The following CDH13 variants were observed in gnomAD, a reference collection of about 807,000 sequenced individuals.
CDH13 encodes the protein cadherin-13.
In CDH13, 24 loss-of-function variants were observed where a neutral mutation model predicts 63.8. That is an observed-to-expected ratio of 0.38 (90% CI 0.27 to 0.53). The LOEUF (loss-of-function observed/expected upper bound fraction) is 0.53, where lower values mean the gene tolerates loss of function less well. CDH13 is among the 20% of genes least tolerant of loss of function. The pLI is 0.85. For missense variants in CDH13, 1,049 were observed against 903.1 expected (o/e 1.16, Z -2.07); for synonymous variants, 503 against 355.3 (o/e 1.42, Z -4.67).
intron 1 of CDH13, among the ~76,000 whole-genome samples, chr16:82,752,132 C>A (rs781550430): frequency 1.3e-5 from 2 of 152,210 alleles, no homozygotes; most frequent in Non-Finnish European, 2.9e-5. Context: ...CATAAGCTAA[C>A]AAGGCAGGCC....
At chr16:83,349,886 C>G (rs533316525) in intron 6 of CDH13, among the ~76,000 whole-genome samples, 2 of 152,228 alleles carry the variant, frequency 1.3e-5, no homozygotes, top group South Asian at 4.1e-4. Flanking sequence ...AGGTGTGAGT[C>G]ACTGCACCTG....
intron 12 of CDH13, among the ~76,000 whole-genome samples, chr16:83,780,603 C>T (rs996993237): frequency 2.0e-5 from 3 of 152,186 alleles, no homozygotes; most frequent in Non-Finnish European, 4.4e-5. Flanking sequence ...TTACTATCCC[C>T]ATCACCCAAT....
At chr16:83,215,737 G>C (rs577040090) in intron 4 of CDH13, among the ~76,000 whole-genome samples, 2 of 152,146 alleles carry the variant, frequency 1.3e-5, no homozygotes, top group African/African-American at 2.4e-5. Flanking sequence ...GCGCTGTTGA[G>C]TATGTGTCAA....
At chr16:83,231,175 C>G (rs1352986785) in intron 5 of CDH13, among the ~76,000 whole-genome samples, 1 of 152,184 alleles carries the variant, frequency 6.6e-6, no homozygotes, top group East Asian at 1.9e-4. Flanking sequence ...ATCCCTTTCT[C>G]CATCCTCCAC....
At chr16:83,009,014 C>G (rs1913842191) in intron 2 of CDH13, among the ~76,000 whole-genome samples, 1 of 152,176 alleles carries the variant, frequency 6.6e-6, no homozygotes, top group Non-Finnish European at 1.5e-5. Context: ...CTCGTGAGAA[C>G]TCACTATCAT....
chr16:83,193,500 G>T (rs562636402), intron 4 of CDH13, among the ~76,000 whole-genome samples: 1 of 152,258 alleles, frequency 6.6e-6, no homozygotes, highest in South Asian at 2.1e-4. Context: ...GCAGAACCTA[G>T]GTTCTCTATA....
chr16:83,314,377 C>G (rs1347739704), intron 5 of CDH13, among the ~76,000 whole-genome samples: 3 of 151,966 alleles, frequency 2.0e-5, no homozygotes. Flanking sequence ...GTATTTAAAA[C>G]AAGACTAATC....
intron 2 of CDH13, among the ~76,000 whole-genome samples, chr16:82,892,151 T>C (rs1260620050): frequency 6.6e-6 from 1 of 152,180 alleles, no homozygotes; most frequent in Non-Finnish European, 1.5e-5. Context: ...GGTGTTCAGT[T>C]TCCTCATATG....
At chr16:83,083,586 T>C (rs1380883117) in intron 3 of CDH13, among the ~76,000 whole-genome samples, 1 of 152,230 alleles carries the variant, frequency 6.6e-6, no homozygotes, top group Non-Finnish European at 1.5e-5. Context: ...TGTTGTTTTC[T>C]CTAGTACTCT....
chr16:83,567,931 C>G (rs1904299755), intron 7 of CDH13, among the ~76,000 whole-genome samples: 1 of 152,178 alleles, frequency 6.6e-6, no homozygotes. Flanking sequence ...TCTGTTGCCT[C>G]TAACTGCAAC....
chr16:83,116,426 T>A (rs2035297851), intron 3 of CDH13, among the ~76,000 whole-genome samples: 1 of 152,124 alleles, frequency 6.6e-6, no homozygotes, highest in South Asian at 2.1e-4. Flanking sequence ...CTGAGCATGG[T>A]CCCACCTGGA....
intron 1 of CDH13, among the ~76,000 whole-genome samples, chr16:82,653,183 CATG>C (rs1279630721): frequency 4.6e-5 from 7 of 152,020 alleles, no homozygotes; most frequent in Non-Finnish European, 8.8e-5. Context: ...GTGAAGAAGA[CATG>C]GTGGTGGTAG....
intron 1 of CDH13, among the ~76,000 whole-genome samples, chr16:82,741,726 C>A (rs1020489939): frequency 3.9e-5 from 6 of 152,062 alleles, no homozygotes; most frequent in Non-Finnish European, 7.4e-5. Context: ...ATTAAAGACA[C>A]TATAAACAAA....
intron 5 of CDH13, among the ~76,000 whole-genome samples, chr16:83,297,080 G>A (rs923875189): frequency 2.0e-5 from 3 of 152,248 alleles, no homozygotes; most frequent in South Asian, 2.1e-4. Flanking sequence ...TAATAAGCAT[G>A]GGGGGAGAAG....
intron 10 of CDH13, among the ~76,000 whole-genome samples, chr16:83,685,846 G>A (rs979972935): frequency 6.6e-6 from 1 of 152,188 alleles, no homozygotes; most frequent in Non-Finnish European, 1.5e-5. Context: ...ACAGGCCTCT[G>A]CCTCTAGGGA....
intron 7 of CDH13, among the ~76,000 whole-genome samples, chr16:83,493,578 G>A (rs2074069337): frequency 6.6e-6 from 1 of 152,230 alleles, no homozygotes; most frequent in Admixed American, 6.5e-5. Context: ...GGGGAAAGGA[G>A]TGGCATGGAC....
At chr16:82,704,523 TAGAC>T (rs2031320280) in intron 1 of CDH13, among the ~76,000 whole-genome samples, 1 of 152,190 alleles carries the variant, frequency 6.6e-6, no homozygotes, top group Non-Finnish European at 1.5e-5. Flanking sequence ...CTAAGGGAGA[TAGAC>T]AGGCAAATCA....
At chr16:82,937,617 T>C (rs1179419699) in intron 2 of CDH13, among the ~76,000 whole-genome samples, 1 of 152,190 alleles carries the variant, frequency 6.6e-6, no homozygotes. Context: ...TGCAAGCCAG[T>C]TGCAAACAGA....
chr16:82,907,772 G>C (rs1156245403), intron 2 of CDH13, among the ~76,000 whole-genome samples: 2 of 152,138 alleles, frequency 1.3e-5, no homozygotes, highest in Non-Finnish European at 2.9e-5. Context: ...TTCCTGCATA[G>C]CCAGCGCTGT....
Sources: gnomAD v4.1 joint callset for allele counts (sites outside exome capture counted in the v4.1 genomes callset) on GRCh38, gnomAD v4.1.1 for gene constraint, MANE v1.5 for transcripts, NCBI Gene and HGNC (gene_info 2026-07-23, HGNC 2026-07-21) for gene names.